ABCC5: variants seen among roughly 807,000 people sequenced by gnomAD.
ABCC5 encodes ATP-binding cassette sub-family C member 5.
In ABCC5, 61 loss-of-function variants were observed where a neutral mutation model predicts 160.9. That is an observed-to-expected ratio of 0.38 (90% CI 0.31 to 0.47). The LOEUF (loss-of-function observed/expected upper bound fraction) is 0.47. Ranked by LOEUF, ABCC5 falls within the 20% of genes least tolerant of loss-of-function variation. The probability of loss-of-function intolerance (pLI) is 0.99; values close to 1 mark genes in which losing one functional copy is unlikely to be tolerated. For synonymous variants in ABCC5, 666 were observed against 700.6 expected, an observed-to-expected ratio of 0.95 and a Z score of 0.78; for missense variants, 1,308 against 1,813.3, an observed-to-expected ratio of 0.72 and a Z score of 5.06.
chr3:183,965,409 G>A lies in ABCC5; in HGVS notation c.1926C>T (p.Asn642=). The A allele has an allele frequency of 1.2e-6, 2 of 1,614,030 alleles. No homozygotes were observed. Among genetic ancestry groups the A allele is most frequent in the Non-Finnish European group, 1.7e-6 (2 of 1,180,034 alleles). ...AWILNATLRD[N]ILFGKEYDEE... The stretch of plus-strand genomic sequence containing the variant: ...CATCATATTCCTTCCCAAACAGGAT[G>A]TTGTCTCTCAGAGTAGCATTGAGGA... Residue 642 remains asparagine (N), a synonymous_variant, in exon 13 of 30, where the codon AAC becomes AAT. Coordinates refer to ENST00000334444, the MANE Select transcript of ABCC5 (RefSeq NM_005688.4).
At chr3:183,932,817 A>G (rs1713304066) in intron 26 of ABCC5, among the ~76,000 whole-genome samples, 1 of 152,198 alleles carries the variant, frequency 6.6e-6, no homozygotes, top group Non-Finnish European at 1.5e-5. Flanking sequence ...TAAAATATGC[A>G]TAACAATGGT....
intron 27 of ABCC5, among the ~76,000 whole-genome samples, chr3:183,928,104 T>C (rs1027024630): frequency 6.9e-6 from 1 of 144,682 alleles, no homozygotes; most frequent in Non-Finnish European, 1.5e-5. Flanking sequence ...ACTCAATATG[T>C]TATGTATCTT....
chr3:183,999,027 T>C (rs552470153), intron 2 of ABCC5, among the ~76,000 whole-genome samples: 1 of 151,610 alleles, frequency 6.6e-6, no homozygotes, highest in South Asian at 2.1e-4. Context: ...GAGGTGCAGG[T>C]TGCAGTGAGC....
In ABCC5 at chr3:183,951,894, A is replaced by G. The variant is rs775504641; in HGVS notation, c.2777T>C (p.Leu926Pro). Residue 926 changes from leucine to proline, a missense_variant, in exon 19 of 30, where the codon CTG becomes CCG. Leu to Pro is a moderately conservative substitution (Grantham distance 98). This residue lies in a region of ABCC5 where 1,142 missense variants were observed against 1,527.1 expected (regional missense o/e 0.75). Coordinates refer to ENST00000334444, the MANE Select transcript of ABCC5 (RefSeq NM_005688.4). This position sits in a 1 kb window ranked among gnomAD's most constrained non-coding sequence, Gnocchi z 4.7. ...AACTCCTCGAATGGCTTTCAGGATC[A>G]GCATGACTGCCATGGAGAGGGCGTA... is the stretch of plus-strand genomic sequence containing the variant. ...SIYALSMAVM[L>P]ILKAIRGVVF... 1 of 1,614,028 alleles carries G rather than the reference A, an allele frequency of 6.2e-7. No homozygotes were observed. The highest frequency in any genetic ancestry group is 8.5e-7 in the Non-Finnish European group (1 of 1,179,898).
chr3:183,977,454 G>A (rs1718317450), intron 10 of ABCC5, 63 bp downstream of exon 10: 1 of 1,304,856 alleles, frequency 7.7e-7, no homozygotes, highest in South Asian at 1.2e-5. Flanking sequence ...CCCTTGAACA[G>A]AGCCAGCAGT....
In ABCC5 at chr3:183,965,169, G is replaced by A; in HGVS notation, c.2031+16C>T. On this transcript the variant is annotated intron_variant, in intron 14 of 29. Transcript: ENST00000334444. ...CCACTCTGCTAAATGCCTGGTCAGGGGCGGAAGGCCTGTACCTCCGTCAGG... is the reference window on the plus strand; with the variant it reads ...CCACTCTGCTAAATGCCTGGTCAGGAGCGGAAGGCCTGTACCTCCGTCAGG... The A allele has an allele frequency of 6.2e-7, 1 of 1,613,574 alleles. No homozygotes were observed. Among genetic ancestry groups the A allele is most frequent in the Non-Finnish European group, 8.5e-7 (1 of 1,179,768 alleles).
At chr3:183,997,393 T>C (rs1281702193) in intron 2 of ABCC5, among the ~76,000 whole-genome samples, 3 of 152,244 alleles carry the variant, frequency 2.0e-5, no homozygotes, top group African/African-American at 7.2e-5. Flanking sequence ...ATAATAAACA[T>C]TCAATACATG....
intron 28 of ABCC5, 79 bp from the exon 29 acceptor site, chr3:183,925,798 A>T: frequency 3.7e-6 from 5 of 1,341,458 alleles, no homozygotes; most frequent in South Asian, 1.4e-5. Context: ...ACTAAAATGT[A>T]TTTCATTTAA....
intron 17 of ABCC5, among the ~76,000 whole-genome samples, chr3:183,959,062 C>CAT (rs1716494468): frequency 1.3e-5 from 2 of 150,974 alleles, no homozygotes; most frequent in South Asian, 4.2e-4. Flanking sequence ...TACACACACA[C>CAT]ACACACACAC....
Position 183,987,453 on chromosome 3 carries a change from A to C in ABCC5, c.591+317T>G, listed in dbSNP as rs901851370. ...TGCTCTCACCCACTCATAGCACTGC[A>C]AGACACATCTGCCTGCACCGACTGT... On this transcript the variant is annotated intron_variant, in intron 5 of 29. Transcript: ENST00000334444. This position sits in a 1 kb window ranked among gnomAD's most constrained non-coding sequence, Gnocchi z 4.2. The C allele has an allele frequency of 3.4e-6, 2 of 591,626 alleles. No individual in the cohort carries two copies. The highest frequency in any genetic ancestry group is 6.0e-6 in the Non-Finnish European group (2 of 331,934). 36.6% of individuals were successfully genotyped at this position (591,626 alleles called of 1,614,324 possible).
At position 183,981,851 on chromosome 3, in the gene ABCC5, T is replaced by C; in HGVS notation, c.1023A>G (p.Ala341=). Residue 341 remains alanine, a synonymous_variant, in exon 8 of 30, where the codon GCA becomes GCG. Transcript: ENST00000334444. ...CGGCCACGCATTTTCTCCTGAAATATGCTGTGAGCCGTGATGCAAACATCT... is the reference window on the plus strand; with the variant it reads ...CGGCCACGCATTTTCTCCTGAAATACGCTGTGAGCCGTGATGCAAACATCT... The part of the protein sequence containing the change: ...PAMMFASRLT[A]YFRRKCVAAT... The C allele has an allele frequency of 6.2e-7, 1 of 1,606,064 alleles. No homozygotes were observed. Among genetic ancestry groups the C allele is most frequent in the Non-Finnish European group, 8.5e-7 (1 of 1,177,956 alleles).
intron 7 of ABCC5, 39 bp from the exon 8 acceptor site, chr3:183,981,913 T>C (rs769173538): frequency 1.3e-6 from 2 of 1,572,830 alleles, no homozygotes; most frequent in South Asian, 1.2e-5. Flanking sequence ...TTAAAGCTCA[T>C]TCAAACTTGA....
intron 24 of ABCC5, 86 bp downstream of exon 24, chr3:183,945,764 C>T (rs1007097511): frequency 9.7e-7 from 1 of 1,036,000 alleles, no homozygotes; most frequent in Non-Finnish European, 1.5e-6. Context: ...CACAAGCCTC[C>T]TCCTTGTACA....
chr3:184,008,576 G>A (rs959732152), intron 2 of ABCC5, among the ~76,000 whole-genome samples: 1 of 152,216 alleles, frequency 6.6e-6, no homozygotes, highest in Non-Finnish European at 1.5e-5. Flanking sequence ...TTACAGTCCC[G>A]AAGAAAGTGG....
Position 183,971,585 on chromosome 3 carries a change from C to T in ABCC5, c.1739G>A (p.Ser580Asn). 4 of 1,613,858 alleles carry T rather than the reference C, an allele frequency of 2.5e-6. No homozygotes were observed. Among genetic ancestry groups the T allele is most frequent in the Non-Finnish European group, 3.4e-6 (4 of 1,179,938 alleles). ...GHLRLQRTLH[S>N]IDLEIQEGKL... ...TACCTCTTGGATCTCCAGATCGATG[C>T]TGTGCAGTGTCCTCTGTAAGCGCAG... The change falls in exon 11 of 30, where the codon AGC becomes AAC. Residue 580 changes from serine (S) to asparagine (N), a missense_variant. Ser to Asn is a conservative substitution (Grantham distance 46). This residue lies in a region of ABCC5 where 1,142 missense variants were observed against 1,527.1 expected (regional missense o/e 0.75). Transcript: ENST00000334444.
intron 17 of ABCC5, among the ~76,000 whole-genome samples, chr3:183,956,991 C>T (rs75529079): frequency 7.3e-5 from 9 of 123,528 alleles, no homozygotes; most frequent in African/African-American, 9.3e-5. Flanking sequence ...TCCGTGTGTA[C>T]ATCACATCGG....
At chr3:184,012,384 A>AT (rs977350855) in intron 2 of ABCC5, among the ~76,000 whole-genome samples, 6 of 152,312 alleles carry the variant, frequency 3.9e-5, no homozygotes, top group African/African-American at 1.4e-4. Context: ...AAGAGCTAAC[A>AT]TTTATTGAGC....
At position 183,947,493 on chromosome 3, in the gene ABCC5, T is replaced by C; in HGVS notation, c.3245A>G (p.Asp1082Gly). 6.2e-7 allele frequency: 1 copy of C among 1,600,016 alleles called. No homozygotes were observed. Among genetic ancestry groups the C allele is most frequent in the Non-Finnish European group, 8.5e-7 (1 of 1,170,868 alleles). The part of the protein sequence containing the change: ...EFLHRYQELL[D>G]DNQAPFFLFT... ...CAAAAAAAAAGGAGCTTGGTTGTCA[T>C]CCAGCAGCTCCTGGTATCTGTGAGA... Residue 1082 changes from aspartate (D) to glycine (G), a missense_variant, in exon 23 of 30, where the codon GAT becomes GGT. Coordinates refer to ENST00000334444, the MANE Select transcript of ABCC5 (RefSeq NM_005688.4).
At chr3:183,961,240 C>T (rs1282539165) in intron 16 of ABCC5, among the ~76,000 whole-genome samples, 1 of 152,204 alleles carries the variant, frequency 6.6e-6, no homozygotes. Context: ...ATCTTCTCTG[C>T]CCTCACTGAG....
Sources: allele counts gnomAD v4.1 joint callset (sites outside exome capture counted in the v4.1 genomes callset), GRCh38; gene constraint gnomAD v4.1.1; regional missense constraint gnomAD v4.1.1; non-coding constraint Gnocchi (gnomAD v3.1); transcripts MANE v1.5; gene names NCBI Gene and HGNC (gene_info 2026-07-23, HGNC 2026-07-21).